Variants in IQGAP2 observed in about 807,000 individuals in gnomAD.
The protein encoded by IQGAP2 is ras GTPase-activating-like protein IQGAP2.
A neutral mutation model predicts 201.3 loss-of-function variants in IQGAP2; 173 were observed. The ratio of observed to expected loss-of-function variants is 0.86; its 90% CI spans 0.76 to 0.98. The LOEUF (loss-of-function observed/expected upper bound fraction) is 0.98. Ranked by LOEUF, IQGAP2 falls within the 50% of genes least tolerant of loss-of-function variation. The pLI is 0.00. For missense variants in IQGAP2, 1,687 were observed against 1,864.8 expected, an observed-to-expected ratio of 0.90 and a Z score of 1.76; for synonymous variants, 675 against 673.9, an observed-to-expected ratio of 1.00 and a Z score of -0.03.
intron 5 of IQGAP2, among the ~76,000 whole-genome samples, chr5:76,584,614 TAGCGGGATAGCATGCCGGTACCCAAGAC>T (rs1746116854): frequency 6.6e-6 from 1 of 152,146 alleles, no homozygotes; most frequent in Non-Finnish European, 1.5e-5. Flanking sequence ...TAGATGCTGA[TAGCGGGATAGCATGCCGGTACCCAAGAC>T]AGCTAATGAC....
In IQGAP2 at chr5:76,694,018, G is replaced by A. The variant is rs889865803; in HGVS notation, c.3993+576G>A. On this transcript the variant is annotated intron_variant, in intron 31 of 35. Coordinates refer to ENST00000274364, the MANE Select transcript of IQGAP2 (RefSeq NM_006633.5). ...TGTTATTTTAGTACCAATAATTGCCGCTCCCTAAACAAAAGTTAATTATTT... is the reference window on the plus strand; with the variant it reads ...TGTTATTTTAGTACCAATAATTGCCACTCCCTAAACAAAAGTTAATTATTT... 2.6e-5 allele frequency: 4 copies of A among 152,200 alleles called. No individual in the cohort carries two copies. In the East Asian group the frequency reaches 5.8e-4, roughly 22 times the overall value. 9.4% of individuals were successfully genotyped at this position (152,200 alleles called of 1,614,324 possible).
intron 4 of IQGAP2, 39 bp from the exon 5 acceptor site, chr5:76,575,654 G>A (rs1331022926): frequency 7.5e-7 from 1 of 1,336,898 alleles, no homozygotes; most frequent in Admixed American, 1.9e-5. Flanking sequence ...CTTGTGAGAA[G>A]CAAAACATAT....
At chr5:76,452,904 TC>T (rs1240550507) in intron 1 of IQGAP2, among the ~76,000 whole-genome samples, 1 of 146,070 alleles carries the variant, frequency 6.8e-6, no homozygotes, top group Admixed American at 6.9e-5. Flanking sequence ...TCAATTCCTA[TC>T]TTTTTTTTTT....
chr5:76,440,568 C>G (rs1752969079), intron 1 of IQGAP2, among the ~76,000 whole-genome samples: 1 of 152,106 alleles, frequency 6.6e-6, no homozygotes, highest in Admixed American at 6.5e-5. Context: ...CTTACAAATA[C>G]CAGAACTTAC....
At chr5:76,496,153 G>T (rs1756879955) in intron 2 of IQGAP2, among the ~76,000 whole-genome samples, 1 of 152,182 alleles carries the variant, frequency 6.6e-6, no homozygotes. Context: ...AATGACTACG[G>T]TAATGATATA....
At chr5:76,700,458 C>T (rs563529261) in intron 33 of IQGAP2, among the ~76,000 whole-genome samples, 32 of 152,190 alleles carry the variant, frequency 2.1e-4, no homozygotes, top group African/African-American at 5.8e-4. Flanking sequence ...GCCAAGATCA[C>T]GCCACTGCAC....
chr5:76,689,404 G>A (rs530793929), intron 30 of IQGAP2, among the ~76,000 whole-genome samples: 77 of 152,174 alleles, frequency 5.1e-4, no homozygotes, highest in African/African-American at 1.7e-3. Context: ...GAGGGGAAAG[G>A]AAGGGCTATG....
chr5:76,581,834 TA>T (rs1441906955), intron 5 of IQGAP2, among the ~76,000 whole-genome samples: 1 of 152,206 alleles, frequency 6.6e-6, no homozygotes, highest in East Asian at 1.9e-4. Context: ...TTTGGTTCAG[TA>T]AATAAAACTA....
At chr5:76,425,398 G>A (rs1408794826) in intron 1 of IQGAP2, among the ~76,000 whole-genome samples, 1 of 152,108 alleles carries the variant, frequency 6.6e-6, no homozygotes, top group Non-Finnish European at 1.5e-5. Flanking sequence ...TGTTAATGTT[G>A]CCATTGCAGA....
intron 2 of IQGAP2, among the ~76,000 whole-genome samples, chr5:76,463,022 C>T (rs913190227): frequency 6.7e-6 from 1 of 149,232 alleles, no homozygotes; most frequent in Admixed American, 6.7e-5. Context: ...ACTCCTGAGG[C>T]TAAGGTGGGA....
At chr5:76,475,687 C>T (rs376215430) in intron 2 of IQGAP2, among the ~76,000 whole-genome samples, 6 of 152,130 alleles carry the variant, frequency 3.9e-5, no homozygotes, top group Non-Finnish European at 5.9e-5. Context: ...TCCTTTTCTG[C>T]CCCCCTCCCA....
intron 15 of IQGAP2, among the ~76,000 whole-genome samples, chr5:76,632,681 G>A (rs1350570166): frequency 2.0e-5 from 3 of 152,050 alleles, no homozygotes; most frequent in South Asian, 2.1e-4. Flanking sequence ...CTATTTCCTA[G>A]TGTCAAGGAT....
intron 4 of IQGAP2, among the ~76,000 whole-genome samples, chr5:76,574,510 T>TC (rs11445831): frequency 0.59 from 89,274 of 152,016 alleles, 27,669 homozygotes; most frequent in East Asian, 0.78. Flanking sequence ...CCTCAGGTGA[T>TC]CGCCTGCCTC....
At chr5:76,494,644 G>A (rs1345000353) in intron 2 of IQGAP2, among the ~76,000 whole-genome samples, 1 of 152,118 alleles carries the variant, frequency 6.6e-6, no homozygotes, top group Non-Finnish European at 1.5e-5. Context: ...ACCGCAGAAG[G>A]TTTTTAGTTT....
At position 76,443,042 on chromosome 5, in the gene IQGAP2, A is replaced by T. The variant is rs148322264; in HGVS notation, c.47-18528A>T. 2.2e-4 allele frequency among the ~76,000 whole-genome samples: 34 copies of T among 152,248 alleles called. No homozygotes were observed. In the East Asian group the frequency reaches 6.6e-3, roughly 29 times the overall value. On this transcript the variant is annotated intron_variant, in intron 1 of 35. Coordinates refer to ENST00000274364, the MANE Select transcript of IQGAP2 (RefSeq NM_006633.5). ...TTAATAATATGATACCGGAATAAAG[A>T]CCACACGTAATCTGCTCAAATCTAA...
intron 1 of IQGAP2, among the ~76,000 whole-genome samples, chr5:76,455,562 G>C (rs1329665494): frequency 2.6e-5 from 4 of 152,016 alleles, no homozygotes; most frequent in African/African-American, 7.2e-5. Context: ...TGGGATTAAG[G>C]AACCCTCTTT....
intron 1 of IQGAP2, among the ~76,000 whole-genome samples, chr5:76,421,790 TATAA>T (rs1751745185): frequency 1.3e-5 from 2 of 152,232 alleles, no homozygotes; most frequent in East Asian, 3.8e-4. Context: ...CTTTGACCTC[TATAA>T]ATAGTGTAAA....
chr5:76,649,668 T>A (rs1752359439), intron 17 of IQGAP2, among the ~76,000 whole-genome samples: 1 of 152,172 alleles, frequency 6.6e-6, no homozygotes. Context: ...AAGCTGTCGA[T>A]GGATCTACCA....
intron 2 of IQGAP2, among the ~76,000 whole-genome samples, chr5:76,551,012 G>A (rs1743444758): frequency 6.6e-6 from 1 of 151,818 alleles, no homozygotes; most frequent in African/African-American, 2.4e-5. Context: ...CCGGACGGGG[G>A]TGGCTGGCCG....
Sources: allele counts gnomAD v4.1 joint callset (sites outside exome capture counted in the v4.1 genomes callset), GRCh38; gene constraint gnomAD v4.1.1; transcripts MANE v1.5; gene names NCBI Gene and HGNC (gene_info 2026-07-23, HGNC 2026-07-21).